Variants in BTBD9 observed in about 807,000 individuals in gnomAD.
The protein encoded by BTBD9 is BTB/POZ domain-containing protein 9.
BTBD9 carries 49 observed loss-of-function variants against 64.3 expected under a neutral mutation model. The observed-to-expected ratio is 0.76, with a 90% CI of 0.61 to 0.97. The LOEUF is 0.97. BTBD9 is among the 50% of genes least tolerant of loss of function. The pLI is 0.00. For synonymous variants in BTBD9, 260 were observed against 274.7 expected (o/e 0.95, Z 0.53); for missense variants, 598 against 762.1 (o/e 0.78, Z 2.53).
At chr6:38,297,606 G>C (rs949075954) in intron 7 of BTBD9, among the ~76,000 whole-genome samples, 3 of 151,938 alleles carry the variant, frequency 2.0e-5, no homozygotes, top group African/African-American at 7.3e-5. Context: ...CCTTTACATT[G>C]TCTACTATTT....
At chr6:38,606,134 G>T (rs1048245022) in intron 1 of BTBD9, among the ~76,000 whole-genome samples, 1 of 152,228 alleles carries the variant, frequency 6.6e-6, no homozygotes, top group East Asian at 1.9e-4. Context: ...AGGGGCTCTC[G>T]GGCCTTTGGC....
intron 6 of BTBD9, among the ~76,000 whole-genome samples, chr6:38,534,363 C>T (rs1773922772): frequency 6.6e-6 from 1 of 151,234 alleles, no homozygotes; most frequent in Non-Finnish European, 1.5e-5. Context: ...GTAATGCAAT[C>T]AAACCCATTA....
chr6:38,297,604 T>C (rs1306315517), intron 7 of BTBD9, among the ~76,000 whole-genome samples: 4 of 152,196 alleles, frequency 2.6e-5, no homozygotes, highest in African/African-American at 7.2e-5. Context: ...CACCTTTACA[T>C]TGTCTACTAT....
chr6:38,468,402 C>T (rs2127363618), intron 6 of BTBD9, among the ~76,000 whole-genome samples: 1 of 152,284 alleles, frequency 6.6e-6, no homozygotes, highest in Admixed American at 6.5e-5. Context: ...CTAAATATGT[C>T]CTTTCTCACT....
At chr6:38,488,829 ATAAT>A (rs1242257370) in intron 6 of BTBD9, among the ~76,000 whole-genome samples, 6 of 152,186 alleles carry the variant, frequency 3.9e-5, no homozygotes, top group Non-Finnish European at 8.8e-5. Context: ...AAAAAAGAGA[ATAAT>A]TATTCATAAT....
chr6:38,619,627 A>G (rs1380516765), intron 1 of BTBD9, among the ~76,000 whole-genome samples: 1 of 152,152 alleles, frequency 6.6e-6, no homozygotes, highest in African/African-American at 2.4e-5. Context: ...GGAAAGCACC[A>G]GCTCATGTCA....
intron 9 of BTBD9, among the ~76,000 whole-genome samples, chr6:38,234,216 ATGTC>A (rs1235846462): frequency 6.8e-6 from 1 of 148,108 alleles, no homozygotes; most frequent in African/African-American, 2.5e-5. Flanking sequence ...ATATATAACT[ATGTC>A]TGTCACAGCC....
rs576735140 is a variant in BTBD9 at position 38,570,067 on chromosome 6, C to T, written c.1154+7533G>A. Among the ~76,000 whole-genome samples, 21 of 152,250 alleles carry T rather than the reference C, an allele frequency of 1.4e-4. No individual in the cohort carries two copies. In the South Asian group the frequency reaches 4.1e-3, roughly 30 times the overall value. ...ATTCGAAGCTCTACAAACAAACTGA[C>T]AAAACATACCTAGATAAAGGATTGC... On this transcript the variant is annotated intron_variant, in intron 6 of 10. Coordinates refer to ENST00000481247, the MANE Select transcript of BTBD9 (RefSeq NM_001099272.2).
At chr6:38,412,146 T>C (rs558571615) in intron 6 of BTBD9, among the ~76,000 whole-genome samples, 1 of 150,906 alleles carries the variant, frequency 6.6e-6, no homozygotes, top group South Asian at 2.1e-4. Context: ...TTCTACATAC[T>C]AAAAACAAAA....
chr6:38,490,961 T>C (rs1284968380), intron 6 of BTBD9, among the ~76,000 whole-genome samples: 1 of 152,084 alleles, frequency 6.6e-6, no homozygotes, highest in Non-Finnish European at 1.5e-5. Context: ...AGTTGGGGGA[T>C]TATAAATGTT....
chr6:38,355,732 C>CCCA (rs1764703202), intron 6 of BTBD9, among the ~76,000 whole-genome samples: 2 of 152,168 alleles, frequency 1.3e-5, no homozygotes, highest in South Asian at 4.1e-4. Context: ...AGCTATCATC[C>CCCA]TGGGATCAAC....
intron 8 of BTBD9, among the ~76,000 whole-genome samples, chr6:38,268,509 T>C (rs1765091510): frequency 6.6e-6 from 1 of 152,210 alleles, no homozygotes; most frequent in African/African-American, 2.4e-5. Flanking sequence ...CAGGAGGATG[T>C]TCCAGCAGGG....
At chr6:38,258,261 C>T (rs986297169) in intron 8 of BTBD9, among the ~76,000 whole-genome samples, 5 of 152,102 alleles carry the variant, frequency 3.3e-5, no homozygotes, top group African/African-American at 9.7e-5. Flanking sequence ...GTTGGGATTA[C>T]AGGCATGAGC....
At chr6:38,395,032 G>A (rs1218363742) in intron 6 of BTBD9, among the ~76,000 whole-genome samples, 1 of 152,148 alleles carries the variant, frequency 6.6e-6, no homozygotes, top group East Asian at 1.9e-4. Flanking sequence ...AAGTTCATAT[G>A]TTGAAATTCT....
intron 1 of BTBD9, among the ~76,000 whole-genome samples, chr6:38,622,688 C>T (rs1269162423): frequency 1.3e-5 from 2 of 152,196 alleles, no homozygotes. Flanking sequence ...CCCCTTTATG[C>T]ATCCAATGCA....
At chr6:38,443,269 T>A (rs556009940) in intron 6 of BTBD9, among the ~76,000 whole-genome samples, 1 of 152,180 alleles carries the variant, frequency 6.6e-6, no homozygotes, top group African/African-American at 2.4e-5. Flanking sequence ...AGCCAATATA[T>A]AACACACTTA....
At chr6:38,502,259 C>A (rs1375249521) in intron 6 of BTBD9, among the ~76,000 whole-genome samples, 1 of 152,198 alleles carries the variant, frequency 6.6e-6, no homozygotes, top group Non-Finnish European at 1.5e-5. Flanking sequence ...AGAGCTTTGG[C>A]TACTGACATG....
At chr6:38,266,595 AG>A (rs11305546) in intron 8 of BTBD9, among the ~76,000 whole-genome samples, 101 of 136,796 alleles carry the variant, frequency 7.4e-4, no homozygotes, top group Admixed American at 3.0e-3. Flanking sequence ...AAGGAAAGAA[AG>A]GAAAGAAAGG....
intron 6 of BTBD9, among the ~76,000 whole-genome samples, chr6:38,375,157 CTA>C: frequency 6.6e-6 from 1 of 152,272 alleles, no homozygotes; most frequent in Non-Finnish European, 1.5e-5. Flanking sequence ...GCAAGAAATG[CTA>C]TTGAGTTGTC....
Sources: allele counts gnomAD v4.1 joint callset (sites outside exome capture counted in the v4.1 genomes callset), GRCh38; gene constraint gnomAD v4.1.1; transcripts MANE v1.5; gene names NCBI Gene and HGNC (gene_info 2026-07-23, HGNC 2026-07-21).